Variants in PMM1 observed in about 807,000 individuals in gnomAD.
PMM1 encodes brain glucose-1,6-bisphosphatase.
A neutral mutation model predicts 34.0 loss-of-function variants in PMM1; 25 were observed. That is an observed-to-expected ratio of 0.73 (90% CI 0.54 to 1.03). The LOEUF is 1.03. PMM1 is among the 50% of genes least tolerant of loss of function. The probability of loss-of-function intolerance (pLI) is 0.00; values close to 1 mark genes in which losing one functional copy is unlikely to be tolerated. For missense variants in PMM1, 321 were observed against 350.1 expected (o/e 0.92, Z 0.66); for synonymous variants, 134 against 143.9 (o/e 0.93, Z 0.49).
At chr22:41,584,898 C>T in intron 2 of PMM1, 1 of 359,516 alleles carries the variant, frequency 2.8e-6, no homozygotes, top group South Asian at 4.4e-5. Flanking sequence ...TCAGCTTCCT[C>T]CTCTGGAAGC....
intron 7 of PMM1, 87 bp downstream of exon 7, chr22:41,577,721 C>T (rs549166742): frequency 1.8e-4 from 186 of 1,023,766 alleles, no homozygotes; most frequent in Non-Finnish European, 2.5e-4. Flanking sequence ...TGGCCTTGAC[C>T]TCAGGTGATT....
intron 1 of PMM1, among the ~76,000 whole-genome samples, chr22:41,587,953 T>G (rs906616896): frequency 1.3e-5 from 2 of 152,234 alleles, no homozygotes; most frequent in African/African-American, 4.8e-5. Context: ...ATTAATAGGC[T>G]GTTCTTATTC....
At chr22:41,579,952 G>A (rs2067223282) in intron 5 of PMM1, 1 of 152,340 alleles carries the variant, frequency 6.6e-6, no homozygotes, top group African/African-American at 2.4e-5. Context: ...GCAGAGATAA[G>A]GGATGTGAGC....
intron 2 of PMM1, 42 bp from the exon 3 acceptor site, chr22:41,584,645 G>A (rs56017106): frequency 5.9e-4 from 868 of 1,477,238 alleles, no homozygotes; most frequent in Non-Finnish European, 7.9e-4. Context: ...AAGAGTGTGA[G>A]ACCACGTCTG....
At chr22:41,577,736 T>A in intron 7 of PMM1, 72 bp downstream of exon 7, 1 of 1,176,154 alleles carries the variant, frequency 8.5e-7, no homozygotes, top group Non-Finnish European at 1.3e-6. Context: ...GTGATTTGCA[T>A]TGGAGAAGCC....
intron 1 of PMM1, among the ~76,000 whole-genome samples, chr22:41,587,738 C>T (rs1569058413): frequency 1.3e-5 from 2 of 152,148 alleles, no homozygotes. Context: ...GCAAATAGAT[C>T]CAGATAAAGG....
chr22:41,580,189 T>A (rs1377566474), intron 5 of PMM1: 1 of 152,330 alleles, frequency 6.6e-6, no homozygotes, highest in Non-Finnish European at 1.5e-5. Flanking sequence ...GGACCGGCAC[T>A]GTGACCTCGA....
At chr22:41,584,207 G>C in intron 4 of PMM1, 74 bp downstream of exon 4, 1 of 1,424,486 alleles carries the variant, frequency 7.0e-7, no homozygotes, top group Non-Finnish European at 9.9e-7. Flanking sequence ...AGTATCTCCA[G>C]GTTCCCTCTG....
intron 5 of PMM1, among the ~76,000 whole-genome samples, chr22:41,582,996 T>A (rs2067263173): frequency 6.6e-6 from 1 of 151,824 alleles, no homozygotes; most frequent in Admixed American, 6.6e-5. Context: ...CCTTGGTGTG[T>A]TCCAGGAATA....
chr22:41,581,137 C>T (rs2067242720), intron 5 of PMM1, among the ~76,000 whole-genome samples: 1 of 138,336 alleles, frequency 7.2e-6, no homozygotes, highest in Non-Finnish European at 1.6e-5. Context: ...AAAAAAAAAC[C>T]CAAAACCAAA....
intron 6 of PMM1, 56 bp downstream of exon 6, chr22:41,578,750 G>T: frequency 1.4e-6 from 2 of 1,453,222 alleles, no homozygotes; most frequent in African/African-American, 1.4e-5. Flanking sequence ...AGGGGCAGAT[G>T]GTTTGAGGAG....
At chr22:41,584,791 C>G in intron 2 of PMM1, 188 bp from the exon 3 acceptor site, 1 of 576,842 alleles carries the variant, frequency 1.7e-6, no homozygotes, top group Non-Finnish European at 3.1e-6. Context: ...TCCAAAGAAG[C>G]CAGTCACACC....
At chr22:41,589,637 A>G in intron 1 of PMM1, 82 bp downstream of exon 1, 1 of 1,223,590 alleles carries the variant, frequency 8.2e-7, no homozygotes, top group Non-Finnish European at 1.2e-6. Context: ...GTCCACGGTC[A>G]CGCTGCTGCA....
rs909115561 is a variant in PMM1 at position 41,578,315 on chromosome 22, G to A, written c.551-392C>T. On this transcript the variant is annotated intron_variant, in intron 6 of 7. Transcript: ENST00000216259. ...GCAGGCCCTGGGCATCACATGGAGAGGGAGGAAGAGCCTGGGGAGGACTTT... is the reference window on the plus strand; with the variant it reads ...GCAGGCCCTGGGCATCACATGGAGAAGGAGGAAGAGCCTGGGGAGGACTTT... Among the ~76,000 whole-genome samples, 3 of 152,164 alleles carry A rather than the reference G, an allele frequency of 2.0e-5. No individual in the cohort carries two copies. In the South Asian group the frequency reaches 6.2e-4, roughly 31 times the overall value.
rs764204932 is a variant in PMM1, at chr22:41,584,393, T to A, written c.283-21A>T. 28 of 1,610,072 alleles carry A rather than the reference T, an allele frequency of 1.7e-5. No homozygotes were observed. The South Asian group carries it at 2.7e-4, about 16-fold the overall frequency. On this transcript the variant is annotated intron_variant, in intron 3 of 7. Coordinates refer to ENST00000216259, the MANE Select transcript of PMM1 (RefSeq NM_002676.3). ...ATGGTCTGGCCAAGGAACACAGGGC[T>A]CTGAGCGTGGCCTGGGCTGCCTGAC...
At chr22:41,589,671 T>A in intron 1 of PMM1, 48 bp downstream of exon 1, 2 of 1,492,454 alleles carry the variant, frequency 1.3e-6, no homozygotes, top group Non-Finnish European at 1.8e-6. Context: ...GCCTCGGGGG[T>A]GTCCGCGTGA....
rs138410974 is a variant in PMM1 at position 41,584,053 on chromosome 22, G to T, written c.380C>A (p.Thr127Asn). 9.2e-5 allele frequency: 149 copies of T among 1,612,198 alleles called. No homozygotes were observed. Among genetic ancestry groups the T allele is most frequent in the African/African-American group, 1.9e-4 (14 of 74,892 alleles). The stretch of plus-strand genomic sequence containing the variant: ...CATGCCATTCCGGAACTCGATGAAG[G>T]TTCCACTGGTGGTGAGGGAGGGCGG... ...ALLRLPKKRG[T>N]FIEFRNGMLN... Residue 127 changes from threonine (T) to asparagine (N), a missense_variant, in exon 5 of 8, where the codon ACC becomes AAC. Transcript: ENST00000216259.
chr22:41,589,656 A>G (rs1280819985), intron 1 of PMM1, 63 bp downstream of exon 1: 6 of 1,399,700 alleles, frequency 4.3e-6, no homozygotes, highest in Non-Finnish European at 6.0e-6. Flanking sequence ...CAGACCCCAC[A>G]CTCAGCCTCG....
In PMM1 at chr22:41,583,955, G is replaced by C; in HGVS notation, c.474+4C>G. ...CAGGCCTAAGATTGCATAGCTAGTG[G>C]TACCTTGTCCAGTTCGGAGAACTCG... On this transcript the variant is annotated splice_donor_region_variant and intron_variant, in intron 5 of 7. Transcript: ENST00000216259. The C allele has an allele frequency of 6.3e-7, 1 of 1,586,392 alleles. No homozygotes were observed. Among genetic ancestry groups the C allele is most frequent in the East Asian group, 2.2e-5 (1 of 44,760 alleles).
Sources: gnomAD v4.1 joint callset for allele counts (sites outside exome capture counted in the v4.1 genomes callset) on GRCh38, gnomAD v4.1.1 for gene constraint, MANE v1.5 for transcripts, NCBI Gene and HGNC (gene_info 2026-07-23, HGNC 2026-07-21) for gene names.